Variants in DLG5 observed in about 807,000 individuals in gnomAD.
DLG5 encodes disks large homolog 5.
In DLG5, 48 loss-of-function variants were observed where a neutral mutation model predicts 189.8. That is an observed-to-expected ratio of 0.25 (90% CI 0.20 to 0.32). DLG5 has a LOEUF of 0.32. Among genes scored for constraint, DLG5 ranks in the 10% least tolerant of loss-of-function variants. DLG5 has a pLI of 1.00. For synonymous variants in DLG5, 1,016 were observed against 1,054.1 expected, an observed-to-expected ratio of 0.96 and a Z score of 0.70; for missense variants, 2,160 against 2,544.7, an observed-to-expected ratio of 0.85 and a Z score of 3.25.
chr10:77,823,044 A>AC (rs1842446160), intron 14 of DLG5, among the ~76,000 whole-genome samples: 2 of 152,242 alleles, frequency 1.3e-5, no homozygotes, highest in African/African-American at 4.8e-5. Context: ...CTGAACCTTA[A>AC]TGTAAACTAT....
intron 7 of DLG5, among the ~76,000 whole-genome samples, chr10:77,840,125 C>A (rs1843346794): frequency 6.6e-6 from 1 of 152,210 alleles, no homozygotes; most frequent in Non-Finnish European, 1.5e-5. Flanking sequence ...CGCCTGTAAT[C>A]CTAGCACTTT....
intron 20 of DLG5, among the ~76,000 whole-genome samples, chr10:77,814,358 T>C (rs146622287): frequency 1.2e-3 from 184 of 151,560 alleles, no homozygotes; most frequent in African/African-American, 4.3e-3. Flanking sequence ...AAACAACAGC[T>C]GCTTCTCAAA....
intron 1 of DLG5, among the ~76,000 whole-genome samples, chr10:77,871,780 G>A (rs188848394): frequency 4.3e-4 from 66 of 151,880 alleles, no homozygotes; most frequent in African/African-American, 1.5e-3. Flanking sequence ...CTGACCTCGG[G>A]ATCCACCAGG....
At chr10:77,802,265 AAG>A (rs1841244961) in intron 27 of DLG5, among the ~76,000 whole-genome samples, 1 of 152,218 alleles carries the variant, frequency 6.6e-6, no homozygotes, top group Admixed American at 6.5e-5. Flanking sequence ...CTACTACACA[AAG>A]AGAGCCAGGG....
At chr10:77,856,943 G>A in intron 2 of DLG5, 51 bp from the exon 3 acceptor site, 1 of 1,558,748 alleles carries the variant, frequency 6.4e-7, no homozygotes, top group Admixed American at 1.9e-5. Context: ...GCATTCACGA[G>A]GCGCCCGGTG....
At chr10:77,884,392 G>C (rs1845375107) in intron 1 of DLG5, among the ~76,000 whole-genome samples, 1 of 152,202 alleles carries the variant, frequency 6.6e-6, no homozygotes, top group Admixed American at 6.5e-5. Context: ...GCCTGCCTGA[G>C]TACTGTGCCT....
At chr10:77,833,544 C>CGAGT (rs66534828) in intron 9 of DLG5, among the ~76,000 whole-genome samples, 2,002 of 150,900 alleles carry the variant, frequency 0.013, 39 homozygotes, top group African/African-American at 0.045. Context: ...AAAATCTCTG[C>CGAGT]GAGTGAGTGA....
chr10:77,884,749 G>A (rs1845387848), intron 1 of DLG5, among the ~76,000 whole-genome samples: 1 of 152,066 alleles, frequency 6.6e-6, no homozygotes, highest in Non-Finnish European at 1.5e-5. Context: ...GAGGCGCTCT[G>A]GGCAGCCCTG....
chr10:77,793,858 T>C (rs964626555), intron 31 of DLG5, 150 bp downstream of exon 31: 2 of 669,444 alleles, frequency 3.0e-6, no homozygotes, highest in Non-Finnish European at 5.2e-6. Flanking sequence ...GACTGCAATC[T>C]GAACACCTGA....
At chr10:77,840,020 A>G (rs146162682) in intron 7 of DLG5, among the ~76,000 whole-genome samples, 23 of 152,368 alleles carry the variant, frequency 1.5e-4, no homozygotes, top group Admixed American at 4.6e-4. Context: ...GTGCAGGCAC[A>G]ATGATGTATT....
At chr10:77,824,234 G>A (rs1164575552) in intron 14 of DLG5, 150 bp downstream of exon 14, 9 of 597,048 alleles carry the variant, frequency 1.5e-5, no homozygotes, top group South Asian at 8.7e-5. Flanking sequence ...TCAGACCAGC[G>A]TCCAGTCAGG....
At chr10:77,910,487 A>G (rs1846187032) in intron 1 of DLG5, among the ~76,000 whole-genome samples, 1 of 152,208 alleles carries the variant, frequency 6.6e-6, no homozygotes, top group South Asian at 2.1e-4. Context: ...TGGTGCCCAC[A>G]AAGCCAGGAG....
chr10:77,877,343 TA>T (rs977619972), intron 1 of DLG5, among the ~76,000 whole-genome samples: 7 of 148,476 alleles, frequency 4.7e-5, no homozygotes, highest in African/African-American at 9.8e-5. Context: ...TGACAGGGAC[TA>T]AAAAAAAATA....
intron 1 of DLG5, among the ~76,000 whole-genome samples, chr10:77,875,362 A>T (rs530773500): frequency 6.6e-6 from 1 of 152,294 alleles, no homozygotes; most frequent in South Asian, 2.1e-4. Context: ...AAGGGTAAGA[A>T]GTCTCAGAGC....
In DLG5 at chr10:77,796,008, G is replaced by C. The variant is rs910677288; in HGVS notation, c.5436+53C>G. The C allele has an allele frequency of 5.0e-6, 8 of 1,612,948 alleles. No individual in the cohort carries two copies. Among genetic ancestry groups the C allele is most frequent in the Non-Finnish European group, 6.8e-6 (8 of 1,179,384 alleles). The stretch of plus-strand genomic sequence containing the variant: ...TCACGGACCAGGGGCCTAGACCTGT[G>C]CACAGGAGGTCTAATACTGGATGCC... On this transcript the variant is annotated intron_variant, in intron 29 of 31. Transcript: ENST00000372391. This position sits in a 1 kb window ranked among gnomAD's most constrained non-coding sequence, Gnocchi z 5.2.
rs74705977 is a variant in DLG5 at position 77,907,564 on chromosome 10, G to A, written c.304+18653C>T. Among the ~76,000 whole-genome samples, 10 of 152,316 alleles carry A rather than the reference G, an allele frequency of 6.6e-5. No homozygotes were observed. The East Asian group carries it at 1.7e-3, about 26-fold the overall frequency. ...ACTGCACTCCAGCCTGGGCAACAGA[G>A]TTATACCCTGTCTCAAATACACACA... is the stretch of plus-strand genomic sequence containing the variant. On this transcript the variant is annotated intron_variant, in intron 1 of 31. Coordinates refer to ENST00000372391, the MANE Select transcript of DLG5 (RefSeq NM_004747.4).
rs769238373 is a variant in DLG5 at position 77,833,984 on chromosome 10, C to T, written c.1678G>A (p.Glu560Lys). The change falls in exon 9 of 32, where the codon GAG (glutamate) becomes AAG (lysine). Residue 560 changes from glutamate to lysine, a missense_variant. By Grantham distance (56) the Glu-to-Lys change is moderately conservative. This residue lies in a region of DLG5 where 664 missense variants were observed against 838.5 expected (regional missense o/e 0.79). Transcript: ENST00000372391. ...GTGTCATCCAGGCTGCGCAGGGCCT[C>T]AGCCAGCTCGCTCACCGCACGGTCC... Reference protein sequence around the residue: ...ERDRAVSELAEALRSLDDTRK... With the variant: ...ERDRAVSELAKALRSLDDTRK... 2 of 1,608,494 alleles carry T rather than the reference C, an allele frequency of 1.2e-6. No homozygotes were observed. Among genetic ancestry groups the T allele is most frequent in the Non-Finnish European group, 1.7e-6 (2 of 1,179,974 alleles).
chr10:77,794,143 T>C, intron 30 of DLG5, 26 bp from the exon 31 acceptor site: 1 of 1,598,354 alleles, frequency 6.3e-7, no homozygotes, highest in Non-Finnish European at 8.6e-7. Flanking sequence ...GACACCAGGC[T>C]GAGCACTGAG....
chr10:77,857,744 A>G (rs1003450445), intron 2 of DLG5, among the ~76,000 whole-genome samples: 2 of 152,216 alleles, frequency 1.3e-5, no homozygotes, highest in Non-Finnish European at 2.9e-5. Context: ...TGGTGCTTTT[A>G]TATTGAACCC....
Sources: gnomAD v4.1 joint callset for allele counts (sites outside exome capture counted in the v4.1 genomes callset) on GRCh38, gnomAD v4.1.1 for gene constraint, gnomAD v4.1.1 regional missense constraint, Gnocchi (gnomAD v3.1) non-coding constraint, MANE v1.5 for transcripts, NCBI Gene and HGNC (gene_info 2026-07-23, HGNC 2026-07-21) for gene names.